Variants in STK4 observed in about 807,000 individuals in gnomAD.
The protein encoded by STK4 is serine/threonine kinase 4.
In STK4, 30 loss-of-function variants were observed where a neutral mutation model predicts 64.9. The observed-to-expected ratio is 0.46, with a 90% CI of 0.35 to 0.63. The LOEUF (loss-of-function observed/expected upper bound fraction) is 0.63, where lower values mean the gene tolerates loss of function less well. Among genes scored for constraint, STK4 ranks in the 20% least tolerant of loss-of-function variants. The pLI, the probability that STK4 is intolerant of heterozygous loss-of-function variation, is 0.01. For synonymous variants in STK4, 177 were observed against 199.0 expected (o/e 0.89, Z 0.93); for missense variants, 466 against 598.5 (o/e 0.78, Z 2.31).
intron 9 of STK4, among the ~76,000 whole-genome samples, chr20:45,007,033 A>G (rs373511448): frequency 8.4e-4 from 127 of 151,526 alleles, no homozygotes; most frequent in African/African-American, 2.8e-3. Flanking sequence ...TCTGAGCGCT[A>G]TGGGTTGTTT....
chr20:45,004,346 T>A (rs1411948872), intron 9 of STK4: 1 of 152,208 alleles, frequency 6.6e-6, no homozygotes, highest in African/African-American at 2.4e-5. Flanking sequence ...TTCCCCCATC[T>A]TGGCCTCCCC....
intron 7 of STK4, among the ~76,000 whole-genome samples, chr20:44,999,148 C>A (rs1244287075): frequency 6.6e-6 from 1 of 151,726 alleles, no homozygotes; most frequent in Non-Finnish European, 1.5e-5. Flanking sequence ...TGAGTGGACA[C>A]TAGCATGAAA....
At chr20:45,041,573 T>G (rs989856346) in intron 10 of STK4, among the ~76,000 whole-genome samples, 2 of 152,252 alleles carry the variant, frequency 1.3e-5, no homozygotes, top group Non-Finnish European at 2.9e-5. Context: ...AGTTGATTGC[T>G]TCATAAACCT....
rs575527744 is a variant in STK4, at chr20:44,983,770, ATTAAT to A, written c.360+1832_360+1836del. On this transcript the variant is annotated intron_variant, in intron 4 of 10. Transcript: ENST00000372806. ...ATTCCATATTTGCAAAGTTGGGAAAATTAATTTAAATATGTAAAAGTACTTTGTAA... is the reference window on the plus strand; with the variant it reads ...ATTCCATATTTGCAAAGTTGGGAAAATTAAATATGTAAAAGTACTTTGTAA... 2.0e-4 allele frequency among the ~76,000 whole-genome samples: 30 copies of A among 152,296 alleles called. No homozygotes were observed. The South Asian group carries it at 5.6e-3, about 28-fold the overall frequency.
chr20:45,032,926 C>T (rs1387175840), intron 10 of STK4, among the ~76,000 whole-genome samples: 1 of 152,138 alleles, frequency 6.6e-6, no homozygotes, highest in Non-Finnish European at 1.5e-5. Flanking sequence ...GCAACCTCGC[C>T]AGCATCTGTT....
At chr20:45,073,382 A>C (rs1315631582) in intron 10 of STK4, among the ~76,000 whole-genome samples, 1 of 152,094 alleles carries the variant, frequency 6.6e-6, no homozygotes, top group African/African-American at 2.4e-5. Flanking sequence ...ACCCTCCCTG[A>C]AGCAGGCCAA....
At chr20:45,055,986 C>T (rs1042199219) in intron 10 of STK4, among the ~76,000 whole-genome samples, 1 of 152,178 alleles carries the variant, frequency 6.6e-6, no homozygotes, top group Non-Finnish European at 1.5e-5. Flanking sequence ...CTGCCTCGGC[C>T]TCTTAAAGTG....
intron 9 of STK4, among the ~76,000 whole-genome samples, chr20:45,007,183 ACAGGTT>A (rs1465087649): frequency 1.3e-5 from 2 of 152,198 alleles, no homozygotes; most frequent in African/African-American, 4.8e-5. Context: ...CTATAAAGGA[ACAGGTT>A]CAGAGAGATT....
chr20:44,990,386 A>G (rs1601213827), intron 5 of STK4, among the ~76,000 whole-genome samples: 1 of 146,536 alleles, frequency 6.8e-6, no homozygotes, highest in African/African-American at 2.5e-5. Flanking sequence ...GTGTCCTGGC[A>G]CCTTGCTGGA....
At chr20:45,062,822 C>T (rs932521429) in intron 10 of STK4, among the ~76,000 whole-genome samples, 6 of 148,386 alleles carry the variant, frequency 4.0e-5, no homozygotes, top group East Asian at 4.0e-4. Flanking sequence ...GGACTACAGG[C>T]GCCCACCACC....
At chr20:45,010,400 A>G (rs906004833) in intron 9 of STK4, among the ~76,000 whole-genome samples, 11 of 152,122 alleles carry the variant, frequency 7.2e-5, no homozygotes, top group South Asian at 2.1e-4. Context: ...TATGTGTTAT[A>G]CTCAATAGGA....
Position 45,023,526 on chromosome 20 carries a change from G to A in STK4, c.1148-1447G>A, listed in dbSNP as rs575447277. Among the ~76,000 whole-genome samples, 42 of 152,200 alleles carry A rather than the reference G, an allele frequency of 2.8e-4. 1 individual carries two copies. In the South Asian group the frequency reaches 2.9e-3, roughly 11 times the overall value. On this transcript the variant is annotated intron_variant, in intron 9 of 10. Coordinates refer to ENST00000372806, the MANE Select transcript of STK4 (RefSeq NM_006282.5). ...TTCCTGATTACTGTAGGAAAGGGCC[G>A]TATAAACCCCTATGTTCATGGAAAG...
rs1372437521 is a variant in STK4, at chr20:45,077,736, G to T, written c.*2560G>T. 1.3e-5 allele frequency: 2 copies of T among 152,192 alleles called. No individual in the cohort carries two copies. The highest frequency in any genetic ancestry group is 4.8e-5 in the African/African-American group (2 of 41,438). 9.4% of individuals were successfully genotyped at this position (152,192 alleles called of 1,614,324 possible). On this transcript the variant is annotated 3_prime_UTR_variant, in exon 11 of 11. Coordinates refer to ENST00000372806, the MANE Select transcript of STK4 (RefSeq NM_006282.5). ...CTTTGCACTTGGCCAGAGAGGAGGA[G>T]AAAGCCCATTTTCTCCCTTCCTAAG...
At chr20:45,062,884 G>A (rs1248848031) in intron 10 of STK4, among the ~76,000 whole-genome samples, 1 of 144,526 alleles carries the variant, frequency 6.9e-6, no homozygotes, top group Non-Finnish European at 1.5e-5. Context: ...TAGAGACAGG[G>A]TTTCACCATG....
intron 9 of STK4, among the ~76,000 whole-genome samples, chr20:45,006,385 C>T (rs1032371170): frequency 9.9e-5 from 15 of 151,850 alleles, no homozygotes; most frequent in Non-Finnish European, 1.8e-4. Flanking sequence ...CAGGTGCATA[C>T]GACTGCTCCG....
At chr20:45,001,021 C>T in intron 8 of STK4, 146 bp from the exon 9 acceptor site, 1 of 859,680 alleles carries the variant, frequency 1.2e-6, no homozygotes, top group Non-Finnish European at 1.8e-6. Context: ...GCTTAAGTAA[C>T]AGCGCTTTCA....
chr20:45,025,240 C>A, intron 10 of STK4, 110 bp downstream of exon 10: 1 of 1,271,506 alleles, frequency 7.9e-7, no homozygotes. Flanking sequence ...TAAACCATCC[C>A]TGACAGTGTC....
chr20:45,011,708 C>CATATATATATATATATATATATATAT (rs749788988), intron 9 of STK4, among the ~76,000 whole-genome samples: 28 of 86,860 alleles, frequency 3.2e-4, no homozygotes, highest in African/African-American at 9.6e-4. Flanking sequence ...GTAGAACATA[C>CATATATATATATATATATATATATAT]ATATATATAT....
intron 9 of STK4, among the ~76,000 whole-genome samples, chr20:45,018,373 A>G (rs1240598913): frequency 6.6e-6 from 1 of 152,222 alleles, no homozygotes; most frequent in African/African-American, 2.4e-5. Context: ...ATATTGGTTT[A>G]CTTAGTGACA....
Sources: gnomAD v4.1 joint callset for allele counts (sites outside exome capture counted in the v4.1 genomes callset) on GRCh38, gnomAD v4.1.1 for gene constraint, MANE v1.5 for transcripts, NCBI Gene and HGNC (gene_info 2026-07-23, HGNC 2026-07-21) for gene names.